HMGCS2: variants seen among roughly 807,000 people sequenced by gnomAD.
The protein encoded by HMGCS2 is hydroxymethylglutaryl-CoA synthase, mitochondrial.
HMGCS2 carries 50 observed loss-of-function variants against 57.4 expected under a neutral mutation model. That is an observed-to-expected ratio of 0.87 (90% CI 0.69 to 1.10). The LOEUF (loss-of-function observed/expected upper bound fraction) is 1.10. Among genes scored for constraint, HMGCS2 ranks in the 50% least tolerant of loss-of-function variants. The pLI, the probability that HMGCS2 is intolerant of heterozygous loss-of-function variation, is 0.00. For missense variants in HMGCS2, 627 were observed against 636.5 expected, an observed-to-expected ratio of 0.99 and a Z score of 0.16; for synonymous variants, 254 against 245.1, an observed-to-expected ratio of 1.04 and a Z score of -0.34.
At chr1:119,755,245 C>A (rs1332463685) in intron 6 of HMGCS2, among the ~76,000 whole-genome samples, 182 bp downstream of exon 6, 1 of 152,100 alleles carries the variant, frequency 6.6e-6, no homozygotes, top group Non-Finnish European at 1.5e-5. Context: ...TAGGTTCAGG[C>A]GATCTGCCCG....
intron 4 of HMGCS2, among the ~76,000 whole-genome samples, chr1:119,758,345 C>A (rs1652921797): frequency 6.6e-6 from 1 of 152,196 alleles, no homozygotes; most frequent in African/African-American, 2.4e-5. Context: ...CAATTTCCCC[C>A]ATCTCAGCCT....
At chr1:119,755,673 T>C (rs1461334494) in intron 5 of HMGCS2, 76 bp from the exon 6 acceptor site, 9 of 1,366,638 alleles carry the variant, frequency 6.6e-6, no homozygotes, top group Middle Eastern at 1.8e-4. Context: ...AAGTAACAGC[T>C]TCTGGAGAGG....
intron 1 of HMGCS2, among the ~76,000 whole-genome samples, chr1:119,768,183 C>T (rs140012411): frequency 6.6e-6 from 1 of 152,268 alleles, no homozygotes; most frequent in African/African-American, 2.4e-5. Context: ...AGCACTTGAG[C>T]CATGTTCAGG....
rs1184930959 is a variant in HMGCS2 at position 119,748,764 on chromosome 1, G to C, written c.*83C>G. 6.6e-6 allele frequency: 1 copy of C among 152,172 alleles called. No homozygotes were observed. The highest frequency in any genetic ancestry group is 1.9e-4 in the East Asian group (1 of 5,192). 9.4% of individuals were successfully genotyped at this position (152,172 alleles called of 1,614,324 possible). A position where few individuals can be genotyped will look rare whatever the true frequency, so the allele number is the denominator to read the frequency against. On this transcript the variant is annotated 3_prime_UTR_variant, in exon 10 of 10. Coordinates refer to ENST00000369406, the MANE Select transcript of HMGCS2 (RefSeq NM_005518.4). ...CAAATTCATTTACCAGCTAAGAGTG[G>C]GATCTTAAAAATATGATTCACGGGG...
At chr1:119,750,354 C>T (rs1012498980) in intron 9 of HMGCS2, among the ~76,000 whole-genome samples, 1 of 152,238 alleles carries the variant, frequency 6.6e-6, no homozygotes, top group African/African-American at 2.4e-5. Flanking sequence ...AGCCTGTTCA[C>T]TCAACGGATG....
chr1:119,767,440 G>C (rs1653272075), intron 1 of HMGCS2, among the ~76,000 whole-genome samples: 1 of 152,176 alleles, frequency 6.6e-6, no homozygotes, highest in Non-Finnish European at 1.5e-5. Context: ...TGGAGATGCA[G>C]GTGTATAGGG....
In HMGCS2 at chr1:119,755,497, A is replaced by G; in HGVS notation, c.1117T>C (p.Tyr373His). Residue 373 changes from tyrosine to histidine, a missense_variant, in exon 6 of 10, where the codon TAC becomes CAC. By Grantham distance (83) the Tyr-to-His change is moderately conservative. Coordinates refer to ENST00000369406, the MANE Select transcript of HMGCS2 (RefSeq NM_005518.4). ...ATGTTCCCATTGTGAGTGGAGAGGT[A>G]AAGGGAAGCCTTGGTTTTCTTGTCG... ...MFDKKTKASL[Y>H]LSTHNGNMYT... 1 of 1,614,136 alleles carries G rather than the reference A, an allele frequency of 6.2e-7. No homozygotes were observed.
rs142637231 is a variant in HMGCS2, at chr1:119,757,427, G to T, written c.862C>A (p.Arg288=). Residue 288 remains arginine (R), a synonymous_variant, in exon 5 of 10, where the codon CGA becomes AGA. Coordinates refer to ENST00000369406, the MANE Select transcript of HMGCS2 (RefSeq NM_005518.4). ...TGTAAATCGTCAAGGGTGAAGGGTC[G>T]ATCGCTGCCAGCTGGAAGAGGAAGC... ...QNQWKQAGSD[R]PFTLDDLQYM... is the part of the protein sequence containing the mutation. 757 of 1,613,770 alleles carry T rather than the reference G, an allele frequency of 4.7e-4. 5 individuals carry two copies. The African/African-American group carries it at 9.1e-3, about 19-fold the overall frequency.
Position 119,764,509 on chromosome 1 carries a change from C to T in HMGCS2, c.222G>A (p.Glu74=), listed in dbSNP as rs759842428. The T allele has an allele frequency of 6.2e-7, 1 of 1,613,644 alleles. No individual in the cohort carries two copies. Among genetic ancestry groups the T allele is most frequent in the Non-Finnish European group, 8.5e-7 (1 of 1,179,608 alleles). The change falls in exon 2 of 10, where the codon GAG becomes GAA. Residue 74 remains glutamate (E), a synonymous_variant. Transcript: ENST00000369406. ...PAQYVDQTDL[E]KYNNVEAGKY... is the part of the protein sequence containing the mutation. ...TTCCTGCTTCCACATTGTTATACTTCTCCAGGTCAGTTTGGTCCACATATT... is the reference window on the plus strand; with the variant it reads ...TTCCTGCTTCCACATTGTTATACTTTTCCAGGTCAGTTTGGTCCACATATT...
rs1571026871 is a variant in HMGCS2 at position 119,748,619 on chromosome 1, C to T, written c.*228G>A. On this transcript the variant is annotated 3_prime_UTR_variant, in exon 10 of 10. Transcript: ENST00000369406. ...TCCATCTTGCTCTTTCACAAAGGACCCCTAGTCCATAGCACCATAAGCCCA... is the reference window on the plus strand; with the variant it reads ...TCCATCTTGCTCTTTCACAAAGGACTCCTAGTCCATAGCACCATAAGCCCA... 1 of 152,114 alleles carries T rather than the reference C, an allele frequency of 6.6e-6. No homozygotes were observed. Among genetic ancestry groups the T allele is most frequent in the African/African-American group, 2.4e-5 (1 of 41,398 alleles). The allele number at this position is 152,114 out of a possible 1,614,324, so 9.4% of individuals were successfully genotyped here.
intron 1 of HMGCS2, among the ~76,000 whole-genome samples, chr1:119,765,234 G>A (rs1284147016): frequency 6.6e-6 from 1 of 152,052 alleles, no homozygotes; most frequent in East Asian, 1.9e-4. Flanking sequence ...TCAGCCTCCT[G>A]AGTAGCTGGG....
intron 1 of HMGCS2, among the ~76,000 whole-genome samples, chr1:119,765,088 C>CT (rs891698431): frequency 2.6e-5 from 4 of 151,592 alleles, no homozygotes; most frequent in Admixed American, 1.3e-4. Flanking sequence ...GGAACTAAAT[C>CT]TTTTTTTTTC....
intron 7 of HMGCS2, 77 bp from the exon 8 acceptor site, chr1:119,752,751 G>T: frequency 8.4e-6 from 13 of 1,551,658 alleles, no homozygotes; most frequent in Non-Finnish European, 1.1e-5. Context: ...TCAACAGAGA[G>T]CCAGGTTCTG....
chr1:119,764,378 T>C lies in HMGCS2; in HGVS notation c.353A>G (p.Gln118Arg), dbSNP rs1235493293. 6.2e-7 allele frequency: 1 copy of C among 1,614,256 alleles called. No individual in the cohort carries two copies. Among genetic ancestry groups the C allele is most frequent in the Non-Finnish European group, 8.5e-7 (1 of 1,180,036 alleles). The change falls in exon 2 of 10, where the codon CAG (glutamine) becomes CGG (arginine). Residue 118 changes from glutamine to arginine, a missense_variant. Transcript: ENST00000369406. Reference sequence around the variant, plus strand: ...CCTGCCCACAGAGTCCCATGGGAGCTGTATGCGCTCCATCAGCCGTTGCAC... The same window carrying C: ...CCTGCCCACAGAGTCCCATGGGAGCCGTATGCGCTCCATCAGCCGTTGCAC... ...TVVQRLMERIQLPWDSVGRLE... is the reference protein window; with the variant it reads ...TVVQRLMERIRLPWDSVGRLE...
At chr1:119,767,465 T>C (rs764922257) in intron 1 of HMGCS2, among the ~76,000 whole-genome samples, 2 of 151,988 alleles carry the variant, frequency 1.3e-5, no homozygotes, top group African/African-American at 2.4e-5. Flanking sequence ...AGGGAGACAA[T>C]ATGTGAGAAA....
chr1:119,757,191 G>A, intron 5 of HMGCS2, 82 bp downstream of exon 5: 1 of 1,608,670 alleles, frequency 6.2e-7, no homozygotes, highest in Admixed American at 1.7e-5. Flanking sequence ...AGGGGTGCTG[G>A]TGGTCTAGAC....
intron 5 of HMGCS2, among the ~76,000 whole-genome samples, chr1:119,755,918 T>C (rs1465005070): frequency 6.1e-5 from 9 of 147,366 alleles, no homozygotes. Context: ...TATATTTTTT[T>C]TCCATGACAT....
chr1:119,763,106 G>C (rs1036345071), intron 2 of HMGCS2, among the ~76,000 whole-genome samples: 7 of 152,128 alleles, frequency 4.6e-5, no homozygotes, highest in East Asian at 1.9e-4. Context: ...CAGTGGAATT[G>C]TTAATGATGG....
At chr1:119,765,330 G>C (rs1279547080) in intron 1 of HMGCS2, among the ~76,000 whole-genome samples, 1 of 152,098 alleles carries the variant, frequency 6.6e-6, no homozygotes, top group South Asian at 2.1e-4. Context: ...GGATGGTCTC[G>C]ATCTCCTGAT....
Sources: gnomAD v4.1 joint callset for allele counts (sites outside exome capture counted in the v4.1 genomes callset) on GRCh38, gnomAD v4.1.1 for gene constraint, MANE v1.5 for transcripts, NCBI Gene and HGNC (gene_info 2026-07-23, HGNC 2026-07-21) for gene names.